The following HAPLN3 variants were observed in gnomAD, a reference collection of about 807,000 sequenced individuals.
HAPLN3 encodes hyaluronan and proteoglycan link protein 3, also known as extracellular link domain containing, 1.
A neutral mutation model predicts 28.1 loss-of-function variants in HAPLN3; 28 were observed. That is an observed-to-expected ratio of 1.00 (90% confidence interval 0.74 to 1.37). The LOEUF is 1.37. Among genes scored for constraint, HAPLN3 ranks in the 40% most tolerant of loss-of-function variants. The probability of loss-of-function intolerance (pLI) is 0.00; values close to 1 mark genes in which losing one functional copy is unlikely to be tolerated. For missense variants in HAPLN3, 513 were observed against 504.6 expected (o/e 1.02, Z -0.16); for synonymous variants, 211 against 213.1 (o/e 0.99, Z 0.09).
At chr15:88,887,438 C>T (rs1897894741) in intron 1 of HAPLN3, 93 bp from the exon 2 acceptor site, 16 of 1,173,656 alleles carry the variant, frequency 1.4e-5, no homozygotes, top group Non-Finnish European at 1.8e-5. Flanking sequence ...GCTTGCTCAA[C>T]AGCTCACTGC....
intron 1 of HAPLN3, chr15:88,893,077 G>A (rs761258954): frequency 7.6e-6 from 8 of 1,053,130 alleles, no homozygotes; most frequent in East Asian, 5.1e-5. Flanking sequence ...GAGTGACTTC[G>A]GGCAAGTTCA....
chr15:88,881,679 G>A lies in HAPLN3; in HGVS notation c.171C>T (p.Thr57=), dbSNP rs748805350. The change falls in exon 3 of 5, where the codon ACC becomes ACT. Residue 57 remains threonine, a synonymous_variant. Coordinates refer to ENST00000359595, the MANE Select transcript of HAPLN3 (RefSeq NM_178232.4). The surrounding 1 kb of genome is among the most constrained non-coding windows in gnomAD (Gnocchi z 6.0). ...CACTGGCCCCTTGGTAGGTGAACAG[G>A]GTCTCCTCGGGTGTCTCCACCACCA... ...VKLVVETPEE[T]LFTYQGASVI... is the part of the protein sequence containing the mutation. 55 of 1,613,538 alleles carry A rather than the reference G, an allele frequency of 3.4e-5. No individual in the cohort carries two copies. The Middle Eastern group carries it at 6.6e-4, about 19-fold the overall frequency.
rs369237468 is a variant in HAPLN3 at position 88,881,775 on chromosome 15, C to G, written c.125-50G>C. ...TGAGACCTGCTGAAGCACATCTGTA[C>G]CCCTGCAAGGGCCACCGCACACCCT... On this transcript the variant is annotated intron_variant, in intron 2 of 4. Transcript: ENST00000359595. This position sits in a 1 kb window ranked among gnomAD's most constrained non-coding sequence, Gnocchi z 6.0. The G allele has an allele frequency of 8.3e-6, 13 of 1,557,056 alleles. No individual in the cohort carries two copies. The highest frequency in any genetic ancestry group is 1.1e-5 in the Non-Finnish European group (13 of 1,149,464).
rs371951833 is a variant in HAPLN3, at chr15:88,886,857, T to G, written c.124+318A>C. Among the ~76,000 whole-genome samples the G allele has an allele frequency of 2.2e-4, 33 of 152,062 alleles. No homozygotes were observed. In the East Asian group the frequency reaches 6.0e-3, roughly 28 times the overall value. ...AACAAAAAAAACATTCAAACTCACA[T>G]CTATTCGACCCCAGGTCCCCTTTCC... On this transcript the variant is annotated intron_variant, in intron 2 of 4. Coordinates refer to ENST00000359595, the MANE Select transcript of HAPLN3 (RefSeq NM_178232.4).
intron 2 of HAPLN3, among the ~76,000 whole-genome samples, chr15:88,884,842 C>T (rs1418455230): frequency 6.6e-6 from 1 of 152,100 alleles, no homozygotes; most frequent in Non-Finnish European, 1.5e-5. Flanking sequence ...ACCAAGGAGG[C>T]AGAGCCTGCA....
chr15:88,881,871 C>T lies in HAPLN3; in HGVS notation c.125-146G>A. 2.7e-6 allele frequency: 2 copies of T among 739,300 alleles called. No individual in the cohort carries two copies. The highest frequency in any genetic ancestry group is 2.7e-5 in the East Asian group (1 of 37,206). 45.8% of individuals were successfully genotyped at this position (739,300 alleles called of 1,614,324 possible). On this transcript the variant is annotated intron_variant, in intron 2 of 4. Transcript: ENST00000359595. This position sits in a 1 kb window ranked among gnomAD's most constrained non-coding sequence, Gnocchi z 6.0. The stretch of plus-strand genomic sequence containing the variant: ...CTCCACCCCTCCCTGTATCCACATG[C>T]TCTGCAATGTGACTTTGCATCTCCT...
chr15:88,883,859 C>T (rs1486657320), intron 2 of HAPLN3, among the ~76,000 whole-genome samples: 1 of 150,886 alleles, frequency 6.6e-6, no homozygotes, highest in African/African-American at 2.4e-5. Context: ...GGGCAGATCA[C>T]TTGAGGCCAC....
At chr15:88,887,462 C>T in intron 1 of HAPLN3, 117 bp from the exon 2 acceptor site, 2 of 924,312 alleles carry the variant, frequency 2.2e-6, no homozygotes, top group Non-Finnish European at 1.6e-6. Flanking sequence ...ACACCTGCCG[C>T]CTACGTGCCA....
Position 88,880,098 on chromosome 15 carries a change from T to C in HAPLN3, c.494-829A>G. The C allele has an allele frequency of 1.0e-6, 1 of 992,076 alleles. No individual in the cohort carries two copies. Among genetic ancestry groups the C allele is most frequent in the Non-Finnish European group, 1.2e-6 (1 of 834,274 alleles). 61.5% of individuals were successfully genotyped at this position (992,076 alleles called of 1,614,324 possible). Reference sequence around the variant, plus strand: ...GCCAGGCACCTGGGCAAAGCCAGGTTGGGCGGCAGAGAAGCCCATGGGCCC... The same window carrying C: ...GCCAGGCACCTGGGCAAAGCCAGGTCGGGCGGCAGAGAAGCCCATGGGCCC... On this transcript the variant is annotated intron_variant, in intron 3 of 4. Coordinates refer to ENST00000359595, the MANE Select transcript of HAPLN3 (RefSeq NM_178232.4). This position sits in a 1 kb window ranked among gnomAD's most constrained non-coding sequence, Gnocchi z 6.0.
At chr15:88,887,071 G>A in intron 2 of HAPLN3, 104 bp downstream of exon 2, 1 of 1,286,540 alleles carries the variant, frequency 7.8e-7, no homozygotes, top group African/African-American at 1.5e-5. Context: ...GCTGGAACAG[G>A]GCTGCTGTCC....
chr15:88,878,643 C>A (rs527348540), intron 4 of HAPLN3, among the ~76,000 whole-genome samples: 1 of 152,214 alleles, frequency 6.6e-6, no homozygotes, highest in Non-Finnish European at 1.5e-5. Context: ...CATCTTCCTA[C>A]GAAATGAGCT....
rs1897565785 is a variant in HAPLN3 at position 88,877,730 on chromosome 15, A to T, written c.*240T>A. On this transcript the variant is annotated 3_prime_UTR_variant, in exon 5 of 5. Coordinates refer to ENST00000359595, the MANE Select transcript of HAPLN3 (RefSeq NM_178232.4). The surrounding 1 kb of genome is among the most constrained non-coding windows in gnomAD (Gnocchi z 5.1). ...GCCTGGATGGCGGGGAACCCTCCAG[A>T]AGCCCACAAAACCGCAAATGGCCCA... 16 of 509,650 alleles carry T rather than the reference A, an allele frequency of 3.1e-5. No individual in the cohort carries two copies. The Admixed American group carries it at 4.9e-4, about 16-fold the overall frequency. The allele number at this position is 509,650 out of a possible 1,614,324, so 31.6% of individuals were successfully genotyped here.
chr15:88,878,030 G>A lies in HAPLN3; in HGVS notation c.1023C>T (p.Ser341=). The change falls in exon 5 of 5, where the codon AGC becomes AGT. Residue 341 remains serine (S), a synonymous_variant. Coordinates refer to ENST00000359595, the MANE Select transcript of HAPLN3 (RefSeq NM_178232.4). ...GGCTCTGCGGGTCGGGGAAGCCAAAGCTTCGGACCCCAGGCTCTGGGGGCC... is the reference window on the plus strand; with the variant it reads ...GGCTCTGCGGGTCGGGGAAGCCAAAACTTCGGACCCCAGGCTCTGGGGGCC... ...NCGPPEPGVR[S]FGFPDPQSRL... is the part of the protein sequence containing the mutation. 6.2e-7 allele frequency: 1 copy of A among 1,614,018 alleles called. No homozygotes were observed. Among genetic ancestry groups the A allele is most frequent in the Admixed American group, 1.7e-5 (1 of 60,030 alleles).
rs1167927330 is a variant in HAPLN3 at position 88,877,779 on chromosome 15, G to A, written c.*191C>T. 3.3e-6 allele frequency: 2 copies of A among 607,908 alleles called. No individual in the cohort carries two copies. The highest frequency in any genetic ancestry group is 3.7e-5 in the African/African-American group (2 of 53,914). 37.7% of individuals were successfully genotyped at this position (607,908 alleles called of 1,614,324 possible). On this transcript the variant is annotated 3_prime_UTR_variant, in exon 5 of 5. Transcript: ENST00000359595. The surrounding 1 kb of genome is among the most constrained non-coding windows in gnomAD (Gnocchi z 5.1). Reference sequence around the variant, plus strand: ...CAGGGGAGCAAGCATGATTCCTGGAGTGGGGCATCCAGGAGCAAAGGGAGG... The same window carrying A: ...CAGGGGAGCAAGCATGATTCCTGGAATGGGGCATCCAGGAGCAAAGGGAGG...
At chr15:88,883,567 T>C (rs1727644249) in intron 2 of HAPLN3, among the ~76,000 whole-genome samples, 1 of 152,258 alleles carries the variant, frequency 6.6e-6, no homozygotes, top group African/African-American at 2.4e-5. Flanking sequence ...TTCCCAACTC[T>C]CTTAAGTAAA....
chr15:88,881,788 C>T lies in HAPLN3; in HGVS notation c.125-63G>A, dbSNP rs1185113998. On this transcript the variant is annotated intron_variant, in intron 2 of 4. Transcript: ENST00000359595. This position sits in a 1 kb window ranked among gnomAD's most constrained non-coding sequence, Gnocchi z 6.0. ...AGCACATCTGTACCCCTGCAAGGGC[C>T]ACCGCACACCCTCATCCACGGCTCC... 12 of 1,526,228 alleles carry T rather than the reference C, an allele frequency of 7.9e-6. No individual in the cohort carries two copies. The highest frequency in any genetic ancestry group is 1.1e-5 in the Non-Finnish European group (12 of 1,133,518). 94.5% of individuals were successfully genotyped at this position (1,526,228 alleles called of 1,614,324 possible).
At position 88,888,696 on chromosome 15, in the gene HAPLN3, G is replaced by C. The variant is rs924703326; in HGVS notation, c.-47-1351C>G. The stretch of plus-strand genomic sequence containing the variant: ...TCCTTGAAGGAGCTTGGTCCAGGGA[G>C]GGGGCAGAGTCGTGGGCAGGCAGTC... On this transcript the variant is annotated intron_variant, in intron 1 of 4. Coordinates refer to ENST00000359595, the MANE Select transcript of HAPLN3 (RefSeq NM_178232.4). This position sits in a 1 kb window ranked among gnomAD's most constrained non-coding sequence, Gnocchi z 4.1. 6.6e-6 allele frequency among the ~76,000 whole-genome samples: 1 copy of C among 152,152 alleles called. No individual in the cohort carries two copies. Among genetic ancestry groups the C allele is most frequent in the Non-Finnish European group, 1.5e-5 (1 of 68,036 alleles).
Position 88,879,389 on chromosome 15 carries a change from C to G in HAPLN3, c.494-120G>C. The G allele has an allele frequency of 1.9e-6, 3 of 1,550,784 alleles. No individual in the cohort carries two copies. Among genetic ancestry groups the G allele is most frequent in the Non-Finnish European group, 2.6e-6 (3 of 1,156,182 alleles). On this transcript the variant is annotated intron_variant, in intron 3 of 4. Coordinates refer to ENST00000359595, the MANE Select transcript of HAPLN3 (RefSeq NM_178232.4). The surrounding 1 kb of genome is among the most constrained non-coding windows in gnomAD (Gnocchi z 5.0). ...CCTGCAACACACACACATACACCAT[C>G]CCTCAGAAAAACTCAGCAAACCTCT... is the stretch of plus-strand genomic sequence containing the variant.
In HAPLN3 at chr15:88,881,835, T is replaced by A; in HGVS notation, c.125-110A>T. 8.5e-7 allele frequency: 1 copy of A among 1,173,266 alleles called. No individual in the cohort carries two copies. The highest frequency in any genetic ancestry group is 1.2e-6 in the Non-Finnish European group (1 of 842,060). 72.7% of individuals were successfully genotyped at this position (1,173,266 alleles called of 1,614,324 possible). On this transcript the variant is annotated intron_variant, in intron 2 of 4. Coordinates refer to ENST00000359595, the MANE Select transcript of HAPLN3 (RefSeq NM_178232.4). The surrounding 1 kb of genome is among the most constrained non-coding windows in gnomAD (Gnocchi z 6.0). ...CTCCTACAGGCTCAGATTGCAAAAA[T>A]GGCCACCATGCTCCACCCCTCCCTG...
Sources: allele counts gnomAD v4.1 joint callset (sites outside exome capture counted in the v4.1 genomes callset), GRCh38; gene constraint gnomAD v4.1.1; non-coding constraint Gnocchi (gnomAD v3.1); transcripts MANE v1.5; gene names NCBI Gene and HGNC (gene_info 2026-07-23, HGNC 2026-07-21).